Variants in ADAM2 observed in about 807,000 individuals in gnomAD.
ADAM2 encodes disintegrin and metalloproteinase domain-containing protein 2.
Under a neutral mutation model 99.3 loss-of-function variants are expected in ADAM2, and 101 were observed. The observed-to-expected ratio is 1.02, with a 90% CI of 0.87 to 1.20. The LOEUF (loss-of-function observed/expected upper bound fraction) is 1.20, where lower values mean the gene tolerates loss of function less well. Among genes scored for constraint, ADAM2 ranks in the 50% most tolerant of loss-of-function variants. The pLI is 0.00. For missense variants in ADAM2, 948 were observed against 878.7 expected, an observed-to-expected ratio of 1.08 and a Z score of -1.00; for synonymous variants, 323 against 287.6, an observed-to-expected ratio of 1.12 and a Z score of -1.25.
At chr8:39,784,210 C>G (rs1465206634) in intron 10 of ADAM2, among the ~76,000 whole-genome samples, 1 of 152,068 alleles carries the variant, frequency 6.6e-6, no homozygotes, top group Non-Finnish European at 1.5e-5. Flanking sequence ...GCTGATTTTT[C>G]CAGTGAAAGG....
intron 7 of ADAM2, among the ~76,000 whole-genome samples, chr8:39,794,574 G>A (rs148780887): frequency 8.9e-4 from 135 of 152,208 alleles, no homozygotes; most frequent in African/African-American, 2.8e-3. Flanking sequence ...GTTAAAGATC[G>A]ACCCCTGACC....
intron 6 of ADAM2, among the ~76,000 whole-genome samples, chr8:39,814,883 A>C (rs1156290911): frequency 6.6e-6 from 1 of 151,302 alleles, no homozygotes; most frequent in Non-Finnish European, 1.5e-5. Context: ...TAACAAGCTC[A>C]AACATGAGAT....
intron 19 of ADAM2, among the ~76,000 whole-genome samples, chr8:39,745,892 A>G (rs1334619686): frequency 6.6e-6 from 1 of 152,156 alleles, no homozygotes; most frequent in Middle Eastern, 3.2e-3. Context: ...TTAAACTTGA[A>G]TGGACAGCTA....
chr8:39,780,964 T>C (rs1399139917), intron 10 of ADAM2, among the ~76,000 whole-genome samples: 1 of 152,022 alleles, frequency 6.6e-6, no homozygotes, highest in Admixed American at 6.6e-5. Context: ...ATTATTGCCC[T>C]TTGGAATTAT....
chr8:39,749,470 C>T lies in ADAM2; in HGVS notation c.1876-20G>A. 3.1e-6 allele frequency: 5 copies of T among 1,606,608 alleles called. No individual in the cohort carries two copies. The highest frequency in any genetic ancestry group is 4.3e-6 in the Non-Finnish European group (5 of 1,174,914). ...GCATACCTAAAAGAAGGAGAAATAT[C>T]ACCTTATAAGATAAGCAACTAGATT... On this transcript the variant is annotated intron_variant, in intron 17 of 20. Transcript: ENST00000265708.
chr8:39,762,001 G>A (rs758088209), intron 14 of ADAM2, among the ~76,000 whole-genome samples: 2 of 152,166 alleles, frequency 1.3e-5, no homozygotes, highest in Non-Finnish European at 2.9e-5. Context: ...GGAGAATGGC[G>A]TGAACCCTGG....
chr8:39,811,884 C>T (rs572366954), intron 6 of ADAM2, among the ~76,000 whole-genome samples: 138 of 152,282 alleles, frequency 9.1e-4, no homozygotes, highest in African/African-American at 3.1e-3. Context: ...GGGATGTCCT[C>T]TCTCACCACT....
chr8:39,829,467 T>C (rs1369954056), intron 3 of ADAM2, among the ~76,000 whole-genome samples: 1 of 151,962 alleles, frequency 6.6e-6, no homozygotes, highest in Non-Finnish European at 1.5e-5. Context: ...GAGAAGTTAC[T>C]TACAGTTAGA....
chr8:39,768,927 A>G (rs1396593230), intron 12 of ADAM2, among the ~76,000 whole-genome samples: 1 of 152,192 alleles, frequency 6.6e-6, no homozygotes, highest in Non-Finnish European at 1.5e-5. Context: ...TGTATCATAT[A>G]CTTGAACTTT....
chr8:39,805,754 A>G (rs531096161), intron 7 of ADAM2, among the ~76,000 whole-genome samples: 53 of 152,292 alleles, frequency 3.5e-4, no homozygotes, highest in African/African-American at 1.2e-3. Flanking sequence ...GGGAGACCAC[A>G]CGCTTAGGTA....
intron 3 of ADAM2, among the ~76,000 whole-genome samples, chr8:39,831,483 A>G (rs904901420): frequency 1.3e-5 from 2 of 152,208 alleles, no homozygotes; most frequent in African/African-American, 4.8e-5. Flanking sequence ...TTCCAAACAT[A>G]TGGAAAAGTC....
intron 11 of ADAM2, chr8:39,774,660 C>T (rs922911501): frequency 1.3e-5 from 2 of 152,052 alleles, no homozygotes; most frequent in Admixed American, 1.3e-4. Context: ...AACAAAATTA[C>T]CTGTTTCAAA....
chr8:39,786,154 C>T (rs557302526), intron 10 of ADAM2, among the ~76,000 whole-genome samples: 19 of 152,138 alleles, frequency 1.2e-4, no homozygotes, highest in African/African-American at 2.9e-4. Flanking sequence ...CAGGAACTAC[C>T]GGGGGTGGAG....
chr8:39,792,260 T>A (rs1256835055), intron 7 of ADAM2, among the ~76,000 whole-genome samples: 2 of 151,912 alleles, frequency 1.3e-5, no homozygotes, highest in Non-Finnish European at 1.5e-5. Context: ...TTACTAAACA[T>A]AATTTAGAAT....
intron 3 of ADAM2, among the ~76,000 whole-genome samples, chr8:39,831,517 T>C (rs1290860540): frequency 6.6e-6 from 1 of 151,818 alleles, no homozygotes; most frequent in African/African-American, 2.4e-5. Flanking sequence ...TTGGGAGAAA[T>C]CATGTAGAAA....
In ADAM2 at chr8:39,838,198, T is replaced by G; in HGVS notation, c.-13A>C. The G allele has an allele frequency of 6.2e-7, 1 of 1,614,146 alleles. No individual in the cohort carries two copies. On this transcript the variant is annotated 5_prime_UTR_variant, in exon 1 of 21. Coordinates refer to ENST00000265708, the MANE Select transcript of ADAM2 (RefSeq NM_001464.5). ...AGACGCGCCACATGGCTTGAAGTCCTGGGTCCCAGCCGGAATAATGGCAGT... is the reference window on the plus strand; with the variant it reads ...AGACGCGCCACATGGCTTGAAGTCCGGGGTCCCAGCCGGAATAATGGCAGT...
intron 7 of ADAM2, among the ~76,000 whole-genome samples, chr8:39,790,176 A>AT (rs1487076317): frequency 6.6e-6 from 1 of 151,920 alleles, no homozygotes; most frequent in East Asian, 1.9e-4. Flanking sequence ...CACAGTTCTC[A>AT]TTCTTCACAC....
At chr8:39,781,636 A>G (rs1803234559) in intron 10 of ADAM2, among the ~76,000 whole-genome samples, 1 of 152,324 alleles carries the variant, frequency 6.6e-6, no homozygotes, top group Admixed American at 6.5e-5. Flanking sequence ...GATGGATAAA[A>G]TGCCTCAATA....
intron 15 of ADAM2, 55 bp downstream of exon 15, chr8:39,761,120 AT>A: frequency 1.8e-6 from 2 of 1,112,146 alleles, no homozygotes; most frequent in Admixed American, 2.5e-5. Flanking sequence ...GTTTGATGGT[AT>A]TTTCAAATAT....
Sources: gnomAD v4.1 joint callset for allele counts (sites outside exome capture counted in the v4.1 genomes callset) on GRCh38, gnomAD v4.1.1 for gene constraint, MANE v1.5 for transcripts, NCBI Gene and HGNC (gene_info 2026-07-23, HGNC 2026-07-21) for gene names.